The following SYCP3 variants were observed in gnomAD, a reference collection of about 807,000 sequenced individuals.
SYCP3 encodes the protein synaptonemal complex protein 3.
Under a neutral mutation model 38.5 loss-of-function variants are expected in SYCP3, and 29 were observed. The ratio of observed to expected loss-of-function variants is 0.75; its 90% CI spans 0.56 to 1.03. The LOEUF is 1.03. SYCP3 is among the 50% of genes least tolerant of loss of function. The pLI is 0.00. For synonymous variants in SYCP3, 79 were observed against 80.3 expected (o/e 0.98, Z 0.08); for missense variants, 242 against 270.7 (o/e 0.89, Z 0.74).
In SYCP3 at chr12:101,729,948, TAGTG is replaced by T. The variant is rs909620178; in HGVS notation, c.553-739_553-736del. On this transcript the variant is annotated intron_variant, in intron 7 of 8. Transcript: ENST00000392924. Reference sequence around the variant, plus strand: ...GCATAAGCAGAAGCATGGAAGTACATAGTGAGCTGAGAGAAAGCAGTTATGTGGA... The same window carrying T: ...GCATAAGCAGAAGCATGGAAGTACATAGCTGAGAGAAAGCAGTTATGTGGA... Among the ~76,000 whole-genome samples the T allele has an allele frequency of 7.2e-5, 11 of 151,988 alleles. No homozygotes were observed. The East Asian group carries it at 1.2e-3, about 16-fold the overall frequency.
chr12:101,737,308 CAATT>C lies in SYCP3; in HGVS notation c.134-14_134-11del. ...ATGACTGCAGTCTTCCCTGTATTGACAATTAAAAAAAAAAAAAAAAAGCTTTTGA... is the reference window on the plus strand; with the variant it reads ...ATGACTGCAGTCTTCCCTGTATTGACAAAAAAAAAAAAAAAAAGCTTTTGA... On this transcript the variant is annotated splice_polypyrimidine_tract_variant and intron_variant, in intron 2 of 8. Coordinates refer to ENST00000392924, the MANE Select transcript of SYCP3 (RefSeq NM_001177949.2). The C allele has an allele frequency of 1.9e-6, 2 of 1,072,620 alleles. No individual in the cohort carries two copies. Among genetic ancestry groups the C allele is most frequent in the Non-Finnish European group, 2.6e-6 (2 of 755,346 alleles). The allele number at this position is 1,072,620 out of a possible 1,614,324, so 66.4% of individuals were successfully genotyped here.
intron 2 of SYCP3, chr12:101,737,520 A>C: frequency 1.5e-6 from 1 of 648,566 alleles, no homozygotes; most frequent in Non-Finnish European, 2.6e-6. Flanking sequence ...CCCTGGGTTA[A>C]TGTCACAGTA....
Sources: gnomAD v4.1 joint callset for allele counts (sites outside exome capture counted in the v4.1 genomes callset) on GRCh38, gnomAD v4.1.1 for gene constraint, MANE v1.5 for transcripts, NCBI Gene and HGNC (gene_info 2026-07-23, HGNC 2026-07-21) for gene names.